SRSF11: variants seen among roughly 807,000 people sequenced by gnomAD.
The protein encoded by SRSF11 is serine and arginine rich splicing factor 11, also known as serine/arginine-rich splicing factor 11.
Under a neutral mutation model 56.0 loss-of-function variants are expected in SRSF11, and 9 were observed. The observed-to-expected ratio is 0.16, with a 90% CI of 0.10 to 0.28. The LOEUF is 0.28. Among genes scored for constraint, SRSF11 ranks in the 10% least tolerant of loss-of-function variants. The pLI is 1.00. For missense variants in SRSF11, 421 were observed against 600.7 expected (o/e 0.70, Z 3.13); for synonymous variants, 222 against 215.3 (o/e 1.03, Z -0.27).
intron 10 of SRSF11, 33 bp from the exon 11 acceptor site, chr1:70,250,321 TAAACAAGTTAA>T (rs1329200818): frequency 1.3e-5 from 20 of 1,599,158 alleles, no homozygotes; most frequent in Non-Finnish European, 1.7e-5. Flanking sequence ...GCTCATCATC[TAAACAAGTTAA>T]ACCTGTTGCT....
At chr1:70,245,875 T>C (rs986718680) in intron 8 of SRSF11, among the ~76,000 whole-genome samples, 10 of 152,188 alleles carry the variant, frequency 6.6e-5, no homozygotes, top group African/African-American at 2.4e-4. Context: ...GTTTGTACTT[T>C]AAAAGATTTC....
chr1:70,206,328 C>T (rs1204244973), intron 1 of SRSF11, among the ~76,000 whole-genome samples: 2 of 152,022 alleles, frequency 1.3e-5, no homozygotes, highest in Non-Finnish European at 2.9e-5. Context: ...AGGCAGTTTA[C>T]TCAACCGCTT....
upstream of SRSF11, among the ~76,000 whole-genome samples, chr1:70,217,572 A>T (rs1389627874): frequency 6.6e-6 from 1 of 152,102 alleles, no homozygotes; most frequent in Admixed American, 6.5e-5. Context: ...CTTGGAACAG[A>T]TTTACGTACA....
intron 1 of SRSF11, chr1:70,222,906 C>T (rs1408633781): frequency 6.6e-6 from 1 of 152,156 alleles, no homozygotes; most frequent in East Asian, 1.9e-4. Flanking sequence ...ACTTAAAATA[C>T]TTTCACAAGA....
At chr1:70,211,353 A>G (rs1356406926) in intron 1 of SRSF11, among the ~76,000 whole-genome samples, 1 of 152,050 alleles carries the variant, frequency 6.6e-6, no homozygotes. Flanking sequence ...ATTTTGTTCA[A>G]TTGGATTCTG....
rs1362197607 is a variant in SRSF11 at position 70,250,412 on chromosome 1, A to G, written c.1166A>G (p.Asp389Gly). 6.3e-7 allele frequency: 1 copy of G among 1,599,394 alleles called. No individual in the cohort carries two copies. The highest frequency in any genetic ancestry group is 1.1e-5 in the South Asian group (1 of 90,762). ...GATAAAGACAAAGAAAGAAGTAGGGATGAAAGAGAACGATCAACAAGCAAG... is the reference window on the plus strand; with the variant it reads ...GATAAAGACAAAGAAAGAAGTAGGGGTGAAAGAGAACGATCAACAAGCAAG... ...KKDKDKERSR[D>G]ERERSTSKKK... The change falls in exon 11 of 12, where the codon GAT becomes GGT. Residue 389 changes from aspartate to glycine, a missense_variant. Physicochemically the swap from Asp to Gly is moderately conservative, Grantham distance 94 (BLOSUM62 -1). Around this residue, in one of 2 missense-constraint regions of SRSF11, gnomAD observed 253 missense variants for 305.8 expected, o/e 0.83. Coordinates refer to ENST00000370949, the MANE Select transcript of SRSF11 (RefSeq NM_001350605.2).
At chr1:70,224,637 T>C (rs1426570483) in intron 1 of SRSF11, among the ~76,000 whole-genome samples, 1 of 152,098 alleles carries the variant, frequency 6.6e-6, no homozygotes, top group Non-Finnish European at 1.5e-5. Flanking sequence ...CTCTAGGAGG[T>C]TTCCTGCATT....
intron 1 of SRSF11, among the ~76,000 whole-genome samples, chr1:70,212,959 A>AT (rs1366347827): frequency 6.7e-6 from 1 of 150,114 alleles, no homozygotes; most frequent in Non-Finnish European, 1.5e-5. Flanking sequence ...GGTGGGGGTA[A>AT]GGGGCTGAGG....
At chr1:70,228,347 T>C (rs1558172418) in intron 1 of SRSF11, 75 bp from the exon 2 acceptor site, 8 of 1,116,236 alleles carry the variant, frequency 7.2e-6, no homozygotes, top group Non-Finnish European at 1.0e-5. Flanking sequence ...ACTTTTGAAA[T>C]GTGTTGGTTT....
chr1:70,250,777 A>G lies in SRSF11; in HGVS notation c.1427A>G (p.His476Arg), dbSNP rs752331976. 29 of 1,613,908 alleles carry G rather than the reference A, an allele frequency of 1.8e-5. No individual in the cohort carries two copies. The highest frequency in any genetic ancestry group is 2.2e-5 in the East Asian group (1 of 44,842). The change falls in exon 12 of 12, where the codon CAT becomes CGT. Residue 476 changes from histidine (H) to arginine (R), a missense_variant. His to Arg is a conservative substitution (Grantham distance 29). This residue lies in a region of SRSF11 where 253 missense variants were observed against 305.8 expected (regional missense o/e 0.83). Transcript: ENST00000370949. Reference sequence around the variant, plus strand: ...TCCAAAGTGAATGGGGATGATCATCATGAAGAAGACATGGATATGAGTGAC... The same window carrying G: ...TCCAAAGTGAATGGGGATGATCATCGTGAAGAAGACATGGATATGAGTGAC... ...RESKVNGDDH[H>R]EEDMDMSD
At chr1:70,241,793 A>G (rs1675468080) in intron 7 of SRSF11, among the ~76,000 whole-genome samples, 1 of 152,200 alleles carries the variant, frequency 6.6e-6, no homozygotes, top group Non-Finnish European at 1.5e-5. Flanking sequence ...GTGCTCTCAT[A>G]GTTTAGTTTA....
chr1:70,205,956 C>T (rs1668973354), intron 1 of SRSF11, among the ~76,000 whole-genome samples: 1 of 152,150 alleles, frequency 6.6e-6, no homozygotes, highest in Non-Finnish European at 1.5e-5. Flanking sequence ...GAGATCTGGG[C>T]GCGGTCGGCA....
chr1:70,236,240 A>G (rs567070690), intron 5 of SRSF11, among the ~76,000 whole-genome samples: 3 of 152,052 alleles, frequency 2.0e-5, no homozygotes, highest in East Asian at 1.9e-4. Context: ...GAAGCTTCCT[A>G]TATACCCATT....
chr1:70,226,059 C>T (rs933157420), intron 1 of SRSF11, among the ~76,000 whole-genome samples: 6 of 152,024 alleles, frequency 3.9e-5, no homozygotes, highest in South Asian at 4.2e-4. Flanking sequence ...GACGTGGTGG[C>T]GTGTGCGTGT....
In SRSF11 at chr1:70,229,729, C is replaced by A. The variant is rs970644306; in HGVS notation, c.337+1174C>A. ...AACAAATGTGAGCATTTACACCATA[C>A]CTTGTAAAAGTTGTGAAATGTCTAG... On this transcript the variant is annotated intron_variant, in intron 2 of 11. Transcript: ENST00000370949. The A allele has an allele frequency of 3.0e-6, 3 of 984,042 alleles. No individual in the cohort carries two copies. The African/African-American group carries it at 5.2e-5, about 17-fold the overall frequency. The allele number at this position is 984,042 out of a possible 1,614,324, so 61.0% of individuals were successfully genotyped here.
chr1:70,241,269 T>A (rs1017554291), intron 7 of SRSF11, among the ~76,000 whole-genome samples: 1 of 152,236 alleles, frequency 6.6e-6, no homozygotes, highest in South Asian at 2.1e-4. Flanking sequence ...CACGTCTCTA[T>A]TAAAAGCACT....
intron 5 of SRSF11, among the ~76,000 whole-genome samples, chr1:70,236,622 G>T (rs1674108280): frequency 2.0e-5 from 3 of 150,734 alleles, no homozygotes; most frequent in Non-Finnish European, 4.4e-5. Flanking sequence ...GAGCCACCAT[G>T]CCCGGCCTAC....
Position 70,230,730 on chromosome 1 carries a change from A to T in SRSF11, c.338-1538A>T, listed in dbSNP as rs1672695484. On this transcript the variant is annotated intron_variant, in intron 2 of 11. Coordinates refer to ENST00000370949, the MANE Select transcript of SRSF11 (RefSeq NM_001350605.2). ...TTTTTTTAATGGATGCAGATCTTCT[A>T]TCAGGTGTCTCACAATAAATTCAAG... 16 of 1,183,970 alleles carry T rather than the reference A, an allele frequency of 1.4e-5. No individual in the cohort carries two copies. In the South Asian group the frequency reaches 2.6e-4, roughly 19 times the overall value. The allele number at this position is 1,183,970 out of a possible 1,614,324, so 73.3% of individuals were successfully genotyped here. A position where few individuals can be genotyped will look rare whatever the true frequency, so the allele number is the denominator to read the frequency against.
intron 7 of SRSF11, among the ~76,000 whole-genome samples, chr1:70,242,551 A>C (rs1181206253): frequency 1.3e-5 from 2 of 149,708 alleles, no homozygotes; most frequent in South Asian, 2.1e-4. Context: ...CTGTTTGCCC[A>C]CCTCGGCCTC....
Sources: allele counts gnomAD v4.1 joint callset (sites outside exome capture counted in the v4.1 genomes callset), GRCh38; gene constraint gnomAD v4.1.1; regional missense constraint gnomAD v4.1.1; transcripts MANE v1.5; gene names NCBI Gene and HGNC (gene_info 2026-07-23, HGNC 2026-07-21).